Variants in DPYD observed in about 807,000 individuals in gnomAD.
DPYD encodes the protein dihydropyrimidine dehydrogenase.
DPYD carries 109 observed loss-of-function variants against 116.2 expected under a neutral mutation model. That is an observed-to-expected ratio of 0.94 (90% CI 0.80 to 1.10). The LOEUF (loss-of-function observed/expected upper bound fraction) is 1.10, where lower values mean the gene tolerates loss of function less well. Ranked by LOEUF, DPYD falls within the 50% of genes least tolerant of loss-of-function variation. The pLI is 0.00. For missense variants in DPYD, 1,302 were observed against 1,254.5 expected, an observed-to-expected ratio of 1.04 and a Z score of -0.57; for synonymous variants, 440 against 432.0, an observed-to-expected ratio of 1.02 and a Z score of -0.23.
intron 16 of DPYD, among the ~76,000 whole-genome samples, chr1:97,317,535 G>A (rs886173427): frequency 6.6e-6 from 1 of 152,000 alleles, no homozygotes; most frequent in Non-Finnish European, 1.5e-5. Flanking sequence ...TTTTCTTAAT[G>A]CAAAGCATTA....
At chr1:97,503,459 G>GCTTCCTTAGTCATTAGCTT (rs1553185285) in intron 13 of DPYD, among the ~76,000 whole-genome samples, 2 of 152,000 alleles carry the variant, frequency 1.3e-5, no homozygotes, top group Non-Finnish European at 2.9e-5. Context: ...CTGTGGCTTA[G>GCTTCCTTAGTCATTAGCTT]CCAATGACTG....
chr1:97,179,895 C>T (rs1264028008), intron 20 of DPYD, among the ~76,000 whole-genome samples: 2 of 151,842 alleles, frequency 1.3e-5, no homozygotes, highest in Non-Finnish European at 2.9e-5. Flanking sequence ...TATGGGTAAC[C>T]AAACAGAGTA....
At chr1:97,815,748 G>A (rs1668572175) in intron 3 of DPYD, among the ~76,000 whole-genome samples, 1 of 152,128 alleles carries the variant, frequency 6.6e-6, no homozygotes, top group Admixed American at 6.6e-5. Context: ...TCATTTATTT[G>A]TTTGTCTTTA....
intron 13 of DPYD, among the ~76,000 whole-genome samples, chr1:97,513,665 T>C (rs1218074663): frequency 6.6e-6 from 1 of 151,810 alleles, no homozygotes; most frequent in Non-Finnish European, 1.5e-5. Context: ...GTACATGTAA[T>C]ATTTTAATAG....
intron 14 of DPYD, among the ~76,000 whole-genome samples, chr1:97,389,083 A>C (rs2101593440): frequency 6.6e-6 from 1 of 152,224 alleles, no homozygotes; most frequent in African/African-American, 2.4e-5. Flanking sequence ...AAGGTCTCTT[A>C]CTGAGAGTAA....
chr1:97,387,653 G>A (rs996121401), intron 14 of DPYD, among the ~76,000 whole-genome samples: 1 of 152,068 alleles, frequency 6.6e-6, no homozygotes, highest in Non-Finnish European at 1.5e-5. Context: ...GTTGAAAACT[G>A]AGAGATGAGA....
chr1:97,758,332 T>C (rs1218915829), intron 3 of DPYD, among the ~76,000 whole-genome samples: 1 of 149,956 alleles, frequency 6.7e-6, no homozygotes, highest in Non-Finnish European at 1.5e-5. Flanking sequence ...TCTTCACATA[T>C]GTCAAAAGTG....
At chr1:97,533,324 A>G (rs1237865610) in intron 12 of DPYD, among the ~76,000 whole-genome samples, 1 of 152,196 alleles carries the variant, frequency 6.6e-6, no homozygotes, top group African/African-American at 2.4e-5. Flanking sequence ...TACTGCATAC[A>G]AACCAAAGAG....
chr1:97,918,881 C>CT (rs1250747125), intron 1 of DPYD, among the ~76,000 whole-genome samples: 1 of 152,146 alleles, frequency 6.6e-6, no homozygotes, highest in African/African-American at 2.4e-5. Context: ...GTATTTGAAG[C>CT]TAAAACAATG....
At chr1:97,210,191 G>T (rs1167903517) in intron 19 of DPYD, among the ~76,000 whole-genome samples, 1 of 152,122 alleles carries the variant, frequency 6.6e-6, no homozygotes, top group Admixed American at 6.6e-5. Context: ...TTCAAAGAAG[G>T]CAAGTTATAG....
chr1:97,465,492 G>A lies in DPYD; in HGVS notation c.1741-15269C>T, dbSNP rs138123368. The stretch of plus-strand genomic sequence containing the variant: ...CATGTGTTGTGGGAGGGACCCTGTG[G>A]GAGGTAAATGAATCACGGGGGTAAG... On this transcript the variant is annotated intron_variant, in intron 13 of 22. Coordinates refer to ENST00000370192, the MANE Select transcript of DPYD (RefSeq NM_000110.4). Among the ~76,000 whole-genome samples, 137 of 152,262 alleles carry A rather than the reference G, an allele frequency of 9.0e-4. 2 individuals carry two copies. In the Middle Eastern group the frequency reaches 0.034, roughly 38 times the overall value.
intron 11 of DPYD, among the ~76,000 whole-genome samples, chr1:97,562,179 C>G (rs961010599): frequency 1.3e-5 from 2 of 152,090 alleles, no homozygotes; most frequent in African/African-American, 4.8e-5. Context: ...AGTAGGATGT[C>G]AAAATTAAAT....
chr1:97,778,441 A>C lies in DPYD; in HGVS notation c.234-37962T>G, dbSNP rs72977762. ...CTAGCTCAAGTTTGCAAAGCTAATG[A>C]GTGAGAAGGTAAGAAATTAAACTTA... On this transcript the variant is annotated intron_variant, in intron 3 of 22. Coordinates refer to ENST00000370192, the MANE Select transcript of DPYD (RefSeq NM_000110.4). Among the ~76,000 whole-genome samples, 582 of 152,246 alleles carry C rather than the reference A, an allele frequency of 3.8e-3. 4 individuals carry two copies. The highest frequency in any genetic ancestry group is 0.013 in the African/African-American group (558 of 41,556).
chr1:97,394,603 CAAG>C (rs1270545767), intron 14 of DPYD, among the ~76,000 whole-genome samples: 2 of 151,926 alleles, frequency 1.3e-5, no homozygotes, highest in African/African-American at 4.8e-5. Flanking sequence ...TGAAATATTG[CAAG>C]AATTACCAAA....
chr1:97,396,598 C>T (rs1673017939), intron 14 of DPYD, among the ~76,000 whole-genome samples: 2 of 151,970 alleles, frequency 1.3e-5, no homozygotes, highest in South Asian at 4.1e-4. Flanking sequence ...TGATTCACAG[C>T]TTCCTGACCA....
At chr1:97,847,287 T>C (rs540165024) in intron 2 of DPYD, among the ~76,000 whole-genome samples, 1 of 152,296 alleles carries the variant, frequency 6.6e-6, no homozygotes, top group East Asian at 1.9e-4. Context: ...ACTCTCTCCA[T>C]TTACATAATT....
At chr1:97,624,932 G>A (rs1242810766) in intron 8 of DPYD, among the ~76,000 whole-genome samples, 2 of 152,002 alleles carry the variant, frequency 1.3e-5, no homozygotes, top group African/African-American at 2.4e-5. Context: ...ATGCAAAGAG[G>A]AGAATGGTGG....
At chr1:97,296,812 A>T (rs1379484092) in intron 18 of DPYD, among the ~76,000 whole-genome samples, 2 of 152,176 alleles carry the variant, frequency 1.3e-5, no homozygotes, top group Non-Finnish European at 2.9e-5. Context: ...TATGAGTTTA[A>T]GGAGGAAAAA....
chr1:97,830,661 G>A (rs548342117), intron 2 of DPYD, among the ~76,000 whole-genome samples: 1 of 151,298 alleles, frequency 6.6e-6, no homozygotes, highest in South Asian at 2.1e-4. Context: ...AGTGAGCTGA[G>A]TTCGCGCCAC....
Sources: allele counts gnomAD v4.1 joint callset (sites outside exome capture counted in the v4.1 genomes callset), GRCh38; gene constraint gnomAD v4.1.1; transcripts MANE v1.5; gene names NCBI Gene and HGNC (gene_info 2026-07-23, HGNC 2026-07-21).